HIF3A: variants seen among roughly 807,000 people sequenced by gnomAD.
The protein encoded by HIF3A is hypoxia inducible factor 3 subunit alpha, also known as hypoxia-inducible factor 3-alpha.
A neutral mutation model predicts 67.2 loss-of-function variants in HIF3A; 41 were observed. That is an observed-to-expected ratio of 0.61 (90% CI 0.48 to 0.79). The LOEUF (loss-of-function observed/expected upper bound fraction) is 0.79, where lower values mean the gene tolerates loss of function less well. Ranked by LOEUF, HIF3A falls within the 30% of genes least tolerant of loss-of-function variation. HIF3A has a pLI of 0.00. For missense variants in HIF3A, 855 were observed against 898.0 expected (o/e 0.95, Z 0.61); for synonymous variants, 356 against 374.8 (o/e 0.95, Z 0.58).
At chr19:46,318,047 G>T (rs1319703551) in intron 8 of HIF3A, among the ~76,000 whole-genome samples, 1 of 151,926 alleles carries the variant, frequency 6.6e-6, no homozygotes, top group Admixed American at 6.6e-5. Context: ...TGTTGGCCGG[G>T]CTGGTCTTGA....
chr19:46,316,802 C>CAA lies in HIF3A; in HGVS notation c.1026-3627_1026-3626dup, dbSNP rs35910734. 1.0e-3 allele frequency among the ~76,000 whole-genome samples: 126 copies of CAA among 120,308 alleles called. 2 individuals are homozygous for CAA. Among genetic ancestry groups the CAA allele is most frequent in the Non-Finnish European group, 1.4e-3 (86 of 60,114 alleles). The allele number at this position is 120,308 out of a possible 152,430, so 78.9% of individuals were successfully genotyped here. A position where few individuals can be genotyped will look rare whatever the true frequency, so the allele number is the denominator to read the frequency against. On this transcript the variant is annotated intron_variant, in intron 8 of 14. Coordinates refer to ENST00000377670, the MANE Select transcript of HIF3A (RefSeq NM_152795.4). Reference sequence around the variant, plus strand: ...TGGGCGACAGAGTGAGACTCCATCTCAAAAAAAAAAAAAAAGAAAAAAGAA... The same window carrying CAA: ...TGGGCGACAGAGTGAGACTCCATCTCAAAAAAAAAAAAAAAAAGAAAAAAGAA...
intron 8 of HIF3A, 137 bp from the exon 9 acceptor site, chr19:46,320,305 CA>C: frequency 1.5e-6 from 1 of 665,662 alleles, no homozygotes; most frequent in Non-Finnish European, 2.7e-6. Context: ...TAAATGTGGG[CA>C]ATTATTTTCT....
rs749518429 is a variant in HIF3A, at chr19:46,329,368, C to A, written c.1602C>A (p.Ala534=). The part of the protein sequence containing the change: ...ARSFHGLSPP[A]LEPSLLPRWG... ...GCTTCCATGGCCTGTCACCTCCAGC[C>A]CTTGAGCCCTCCCTGCTACCCCGCT... The change falls in exon 12 of 15, where the codon GCC becomes GCA. Residue 534 remains alanine, a synonymous_variant. Coordinates refer to ENST00000377670, the MANE Select transcript of HIF3A (RefSeq NM_152795.4). 6 of 1,612,542 alleles carry A rather than the reference C, an allele frequency of 3.7e-6. No homozygotes were observed. The highest frequency in any genetic ancestry group is 2.7e-5 in the African/African-American group (2 of 74,932).
Position 46,297,146 on chromosome 19 carries a change from T to C in HIF3A, c.26+44T>C. On this transcript the variant is annotated intron_variant, in intron 1 of 14. Coordinates refer to ENST00000377670, the MANE Select transcript of HIF3A (RefSeq NM_152795.4). This position sits in a 1 kb window ranked among gnomAD's most constrained non-coding sequence, Gnocchi z 4.5. ...AGGAGTTCTGGGAATTGGGGGGCTC[T>C]CCTCCTGGAGACCCCTGAGCTGGAT... 4 of 383,318 alleles carry C rather than the reference T, an allele frequency of 1.0e-5. No homozygotes were observed. Among genetic ancestry groups the C allele is most frequent in the Middle Eastern group, 4.3e-4 (1 of 2,352 alleles). The allele number at this position is 383,318 out of a possible 1,614,324, so 23.7% of individuals were successfully genotyped here.
At position 46,298,555 on chromosome 19, in the gene HIF3A, T is replaced by C. The variant is rs568924652; in HGVS notation, c.26+1453T>C. The C allele has an allele frequency of 8.9e-6, 11 of 1,231,464 alleles. No individual in the cohort carries two copies. The African/African-American group carries it at 1.5e-4, about 17-fold the overall frequency. The allele number at this position is 1,231,464 out of a possible 1,614,324, so 76.3% of individuals were successfully genotyped here. ...ACACCTCCTTTCCCCCTTCCCTTCC[T>C]CTAGCTGGGGCTGGCTGCCATCCCA... On this transcript the variant is annotated intron_variant, in intron 1 of 14. Transcript: ENST00000377670.
intron 9 of HIF3A, among the ~76,000 whole-genome samples, chr19:46,321,087 A>G (rs765619091): frequency 6.6e-6 from 1 of 152,052 alleles, no homozygotes; most frequent in African/African-American, 2.4e-5. Flanking sequence ...GATTGCTGAT[A>G]TAATATCCTT....
intron 8 of HIF3A, chr19:46,313,364 G>A: frequency 1.2e-5 from 12 of 967,864 alleles, no homozygotes; most frequent in Non-Finnish European, 1.5e-5. Context: ...GCTCACACCT[G>A]TAAATCCCAG....
intron 13 of HIF3A, among the ~76,000 whole-genome samples, chr19:46,333,292 A>C (rs925097373): frequency 2.6e-5 from 4 of 152,136 alleles, no homozygotes; most frequent in Non-Finnish European, 4.4e-5. Flanking sequence ...ACTGTTGAAA[A>C]AGGTGTTAAC....
chr19:46,303,982 G>A lies in HIF3A; in HGVS notation c.111G>A (p.Leu37=), dbSNP rs115548009. Residue 37 remains leucine, a synonymous_variant, in exon 2 of 15, where the codon CTG becomes CTA. Coordinates refer to ENST00000377670, the MANE Select transcript of HIF3A (RefSeq NM_152795.4). The part of the protein sequence containing the change: ...RSQETEVLYQ[L]AHTLPFARGV... ...AGGAGACCGAGGTGCTGTACCAGCT[G>A]GCTCACACGCTGCCCTTCGCCCGCG... 7,823 of 1,602,532 alleles carry A rather than the reference G, an allele frequency of 4.9e-3. 28 individuals carry two copies. Among genetic ancestry groups the A allele is most frequent in the Non-Finnish European group, 6.2e-3 (7,278 of 1,175,266 alleles).
chr19:46,305,434 T>C, intron 3 of HIF3A, 44 bp downstream of exon 3: 1 of 1,588,964 alleles, frequency 6.3e-7, no homozygotes, highest in African/African-American at 1.3e-5. Flanking sequence ...GTACTGGTGA[T>C]GCTGGGGATA....
chr19:46,332,801 T>C (rs1178807241), intron 13 of HIF3A, among the ~76,000 whole-genome samples: 3 of 152,076 alleles, frequency 2.0e-5, no homozygotes, highest in Admixed American at 2.0e-4. Context: ...CTGGCCAACA[T>C]GGTGAAACCC....
intron 8 of HIF3A, among the ~76,000 whole-genome samples, chr19:46,314,021 A>G (rs533194421): frequency 6.6e-6 from 1 of 152,074 alleles, no homozygotes; most frequent in East Asian, 1.9e-4. Context: ...CCATGGTATG[A>G]ATAGAGCACA....
In HIF3A at chr19:46,315,270, T is replaced by C. The variant is rs543110735; in HGVS notation, c.1025+2617T>C. Among the ~76,000 whole-genome samples, 15 of 145,960 alleles carry C rather than the reference T, an allele frequency of 1.0e-4. 3 individuals carry two copies. Among genetic ancestry groups the C allele is most frequent in the Non-Finnish European group, 4.5e-5 (3 of 66,632 alleles). ...TTAATAGAGAAGGAGTTTCACCAGA[T>C]TGGCCAGGCTGGTCTCGAACTCCTG... On this transcript the variant is annotated intron_variant, in intron 8 of 14. Coordinates refer to ENST00000377670, the MANE Select transcript of HIF3A (RefSeq NM_152795.4).
chr19:46,303,868 A>AC, intron 1 of HIF3A, 30 bp from the exon 2 acceptor site: 1 of 1,596,376 alleles, frequency 6.3e-7, no homozygotes, highest in Non-Finnish European at 8.5e-7. Context: ...TTCCCGAGTC[A>AC]CCACCAGTGA....
chr19:46,307,135 G>T (rs1235265271), intron 3 of HIF3A, among the ~76,000 whole-genome samples: 1 of 152,132 alleles, frequency 6.6e-6, no homozygotes, highest in Non-Finnish European at 1.5e-5. Flanking sequence ...AAACTGTCTA[G>T]ACCACTCTGT....
chr19:46,305,100 C>A, intron 2 of HIF3A, 145 bp from the exon 3 acceptor site: 1 of 1,139,956 alleles, frequency 8.8e-7, no homozygotes, highest in East Asian at 2.4e-5. Context: ...GGAATCCAGG[C>A]CACTAGGATG....
intron 6 of HIF3A, among the ~76,000 whole-genome samples, chr19:46,310,178 T>C (rs1969305267): frequency 6.6e-6 from 1 of 152,122 alleles, no homozygotes; most frequent in African/African-American, 2.4e-5. Context: ...TGAGCCGAGA[T>C]TGCACCATTG....
At chr19:46,311,128 T>G (rs1319281269) in intron 6 of HIF3A, among the ~76,000 whole-genome samples, 1 of 152,202 alleles carries the variant, frequency 6.6e-6, no homozygotes, top group Non-Finnish European at 1.5e-5. Context: ...TCTTCCTCTC[T>G]CCTATGTCAT....
intron 8 of HIF3A, chr19:46,312,878 GTTAATTTTTTTT>G (rs1236822818): frequency 2.1e-5 from 18 of 838,234 alleles, no homozygotes; most frequent in Non-Finnish European, 2.4e-5. Flanking sequence ...TGTGTAGACT[GTTAATTTTTTTT>G]TTTTTTTTTT....
Sources: allele counts gnomAD v4.1 joint callset (sites outside exome capture counted in the v4.1 genomes callset), GRCh38; gene constraint gnomAD v4.1.1; non-coding constraint Gnocchi (gnomAD v3.1); transcripts MANE v1.5; gene names NCBI Gene and HGNC (gene_info 2026-07-23, HGNC 2026-07-21).